Variants in TGFBI observed in about 807,000 individuals in gnomAD.
TGFBI encodes the protein transforming growth factor beta induced.
TGFBI carries 50 observed loss-of-function variants against 73.7 expected under a neutral mutation model. The ratio of observed to expected loss-of-function variants is 0.68; its 90% CI spans 0.54 to 0.86. The LOEUF (loss-of-function observed/expected upper bound fraction) is 0.86. TGFBI is among the 40% of genes least tolerant of loss of function. The pLI, the probability that TGFBI is intolerant of heterozygous loss-of-function variation, is 0.00. For missense variants in TGFBI, 839 were observed against 877.0 expected (o/e 0.96, Z 0.55); for synonymous variants, 362 against 360.5 (o/e 1.00, Z -0.05).
At chr5:136,048,464 T>C (rs953508455) in intron 6 of TGFBI, 2 of 152,234 alleles carry the variant, frequency 1.3e-5, no homozygotes, top group African/African-American at 4.8e-5. Context: ...GCCAGGAGTA[T>C]AGAGGTGAAC....
At position 136,060,915 on chromosome 5, in the gene TGFBI, A is replaced by G. The variant is rs1239455366; in HGVS notation, c.1885A>G (p.Thr629Ala). The change falls in exon 14 of 17, where the codon ACC becomes GCC. Residue 629 changes from threonine (T) to alanine (A), a missense_variant. By Grantham distance (58) the Thr-to-Ala change is moderately conservative. Coordinates refer to ENST00000442011, the MANE Select transcript of TGFBI (RefSeq NM_000358.3). The part of the protein sequence containing the change: ...MATNGVVHVI[T>A]NVLQPPANRP... Reference sequence around the variant, plus strand: ...CACAAATGGCGTGGTCCATGTCATCACCAATGTTCTGCAGCCTCCAGGTAA... The same window carrying G: ...CACAAATGGCGTGGTCCATGTCATCGCCAATGTTCTGCAGCCTCCAGGTAA... 6.3e-7 allele frequency: 1 copy of G among 1,583,118 alleles called. No individual in the cohort carries two copies. The highest frequency in any genetic ancestry group is 1.3e-5 in the African/African-American group (1 of 74,486).
At position 136,050,875 on chromosome 5, in the gene TGFBI, C is replaced by G. The variant is rs569740474; in HGVS notation, c.913+1295C>G. ...ATTATGGTACCTCTATGCGCCTGGC[C>G]GGCACTGGGGACAGAGGCCATGAAA... On this transcript the variant is annotated intron_variant, in intron 7 of 16. Transcript: ENST00000442011. Among the ~76,000 whole-genome samples, 3 of 152,214 alleles carry G rather than the reference C, an allele frequency of 2.0e-5. No homozygotes were observed. The South Asian group carries it at 6.2e-4, about 32-fold the overall frequency.
intron 12 of TGFBI, among the ~76,000 whole-genome samples, chr5:136,058,054 G>A (rs1385614093): frequency 1.3e-5 from 2 of 152,034 alleles, no homozygotes; most frequent in African/African-American, 4.8e-5. Context: ...AGTGTTAGAG[G>A]TTGGTACAGG....
At position 136,055,475 on chromosome 5, in the gene TGFBI, C is replaced by G. The variant is rs1751613033; in HGVS notation, c.1411-205C>G. On this transcript the variant is annotated intron_variant, in intron 10 of 16. Transcript: ENST00000442011. ...TCTGTGTGACTTTATTGGGGCCTCT[C>G]TAACCGTTCTTTCCTTAAGGAAGAC... The G allele has an allele frequency of 2.0e-5, 9 of 442,554 alleles. 1 individual carries two copies. The Admixed American group carries it at 3.6e-4, about 18-fold the overall frequency. 27.4% of individuals were successfully genotyped at this position (442,554 alleles called of 1,614,324 possible).
intron 6 of TGFBI, 82 bp from the exon 7 acceptor site, chr5:136,049,357 G>C (rs1459784555): frequency 1.8e-5 from 28 of 1,538,804 alleles, no homozygotes; most frequent in Non-Finnish European, 2.5e-5. Flanking sequence ...CCCTTGCGGG[G>C]AACCAGTGAA....
intron 13 of TGFBI, 101 bp downstream of exon 13, chr5:136,059,315 G>A: frequency 6.8e-7 from 1 of 1,473,536 alleles, no homozygotes; most frequent in Non-Finnish European, 9.1e-7. Context: ...CAACCTTCAA[G>A]TTGCAGCCCG....
At chr5:136,031,966 C>T (rs569745852) in intron 1 of TGFBI, among the ~76,000 whole-genome samples, 8 of 152,248 alleles carry the variant, frequency 5.3e-5, no homozygotes, top group Admixed American at 1.3e-4. Context: ...ACTGAAGATT[C>T]GCCAAACGCC....
At chr5:136,059,659 G>A (rs1267060594) in intron 13 of TGFBI, among the ~76,000 whole-genome samples, 2 of 152,134 alleles carry the variant, frequency 1.3e-5, no homozygotes, top group South Asian at 2.1e-4. Context: ...TCTGCACATT[G>A]ATGATATAAC....
At chr5:136,041,369 A>T (rs1228427494) in intron 2 of TGFBI, among the ~76,000 whole-genome samples, 1 of 152,192 alleles carries the variant, frequency 6.6e-6, no homozygotes, top group Non-Finnish European at 1.5e-5. Context: ...GTGACAGTAG[A>T]GTGTAGTCCA....
At position 136,046,647 on chromosome 5, in the gene TGFBI, C is replaced by T. The variant is rs970279881; in HGVS notation, c.459+152C>T. 1.2e-5 allele frequency: 15 copies of T among 1,245,852 alleles called. No individual in the cohort carries two copies. In the African/African-American group the frequency reaches 2.1e-4, roughly 18 times the overall value. 77.2% of individuals were successfully genotyped at this position (1,245,852 alleles called of 1,614,324 possible). A position where few individuals can be genotyped will look rare whatever the true frequency, so the allele number is the denominator to read the frequency against. ...CTTAGAAAAGGCTGTGGAACTTGAG[C>T]TAAAATATGTCTTACCAGGTTGCGT... is the stretch of plus-strand genomic sequence containing the variant. On this transcript the variant is annotated intron_variant, in intron 4 of 16. Coordinates refer to ENST00000442011, the MANE Select transcript of TGFBI (RefSeq NM_000358.3).
At chr5:136,054,924 TAA>T in intron 10 of TGFBI, 63 bp downstream of exon 10, 1 of 1,528,606 alleles carries the variant, frequency 6.5e-7, no homozygotes, top group South Asian at 1.2e-5. Flanking sequence ...TGTATTAGTG[TAA>T]AAAAAAATGT....
intron 7 of TGFBI, chr5:136,049,791 C>A: frequency 1.8e-6 from 1 of 545,606 alleles, no homozygotes; most frequent in Non-Finnish European, 3.2e-6. Context: ...CAGAATCCAG[C>A]AGCTTTTGTC....
intron 6 of TGFBI, chr5:136,049,181 C>CAGGGACAAGGACTTGGGGGCAGGAAG (rs1751487444): frequency 2.3e-6 from 1 of 437,556 alleles, no homozygotes; most frequent in Non-Finnish European, 4.1e-6. Context: ...GAGAGGACAG[C>CAGGGACAAGGACTTGGGGGCAGGAAG]AGGGACAAGG....
chr5:136,055,526 A>C (rs1751613656), intron 10 of TGFBI, 154 bp from the exon 11 acceptor site: 1 of 641,846 alleles, frequency 1.6e-6, no homozygotes, highest in Non-Finnish European at 2.3e-6. Context: ...TTCCTGGAGA[A>C]AATACATCAT....
intron 16 of TGFBI, 45 bp downstream of exon 16, chr5:136,062,732 C>T (rs1751770422): frequency 6.4e-7 from 1 of 1,554,300 alleles, no homozygotes; most frequent in Non-Finnish European, 8.7e-7. Flanking sequence ...CTGTTTAGGC[C>T]TTACCCCCAA....
chr5:136,046,309 C>T, intron 3 of TGFBI, 26 bp from the exon 4 acceptor site: 1 of 1,613,520 alleles, frequency 6.2e-7, no homozygotes, highest in South Asian at 1.1e-5. Flanking sequence ...AGAGGCCATC[C>T]CTCCTTCTGT....
At chr5:136,054,628 A>T in intron 9 of TGFBI, 88 bp from the exon 10 acceptor site, 1 of 1,572,272 alleles carries the variant, frequency 6.4e-7, no homozygotes, top group Non-Finnish European at 8.8e-7. Flanking sequence ...TCAAGGAGGG[A>T]TGGGCTTTTT....
chr5:136,049,347 C>A, intron 6 of TGFBI, 92 bp from the exon 7 acceptor site: 1 of 1,504,604 alleles, frequency 6.6e-7, no homozygotes, highest in South Asian at 1.3e-5. Context: ...AAGCCTCGAG[C>A]CCTTGCGGGG....
rs541270955 is a variant in TGFBI at position 136,046,403 on chromosome 5, G to C, written c.367G>C (p.Asp123His). Residue 123 changes from aspartate to histidine, a missense_variant, in exon 4 of 17, where the codon GAC becomes CAC. Transcript: ENST00000442011. ...VGSTTTQLYT[D>H]RTEKLRPEME... ...ATCCACCACCACTCAGCTGTACACGGACCGCACGGAGAAGCTGAGGCCTGA... is the reference window on the plus strand; with the variant it reads ...ATCCACCACCACTCAGCTGTACACGCACCGCACGGAGAAGCTGAGGCCTGA... 49 of 1,613,912 alleles carry C rather than the reference G, an allele frequency of 3.0e-5. No individual in the cohort carries two copies. In the East Asian group the frequency reaches 1.0e-3, roughly 33 times the overall value.
Sources: gnomAD v4.1 joint callset for allele counts (sites outside exome capture counted in the v4.1 genomes callset) on GRCh38, gnomAD v4.1.1 for gene constraint, MANE v1.5 for transcripts, NCBI Gene and HGNC (gene_info 2026-07-23, HGNC 2026-07-21) for gene names.